FAM168A: variants seen among roughly 807,000 people sequenced by gnomAD.
FAM168A encodes the protein protein FAM168A.
A neutral mutation model predicts 28.5 loss-of-function variants in FAM168A; 3 were observed. The observed-to-expected ratio is 0.11, with a 90% CI of 0.05 to 0.27. The LOEUF is 0.27. FAM168A is among the 10% of genes least tolerant of loss of function. The probability of loss-of-function intolerance (pLI) is 1.00; values close to 1 mark genes in which losing one functional copy is unlikely to be tolerated. For synonymous variants in FAM168A, 122 were observed against 124.2 expected (o/e 0.98, Z 0.12); for missense variants, 222 against 311.5 (o/e 0.71, Z 2.16).
chr11:73,500,038 C>A (rs748105864), intron 1 of FAM168A, among the ~76,000 whole-genome samples: 12 of 151,994 alleles, frequency 7.9e-5, no homozygotes, highest in Non-Finnish European at 1.5e-4. Context: ...TTAAGATATT[C>A]CACAAGAAGA....
At chr11:73,461,930 G>A (rs1329084547) in intron 2 of FAM168A, among the ~76,000 whole-genome samples, 1 of 152,110 alleles carries the variant, frequency 6.6e-6, no homozygotes, top group East Asian at 1.9e-4. Flanking sequence ...TATCCATTAT[G>A]ATGGCTATTA....
chr11:73,427,444 T>C (rs1866908138), intron 3 of FAM168A, among the ~76,000 whole-genome samples: 1 of 152,198 alleles, frequency 6.6e-6, no homozygotes, highest in Admixed American at 6.5e-5. Flanking sequence ...CCTCCTCCTA[T>C]CTGCACTCCT....
At chr11:73,501,961 T>C (rs1468942865) in intron 1 of FAM168A, among the ~76,000 whole-genome samples, 3 of 151,320 alleles carry the variant, frequency 2.0e-5, no homozygotes, top group Non-Finnish European at 4.4e-5. Flanking sequence ...ATTAGCCAGG[T>C]GTGGTGGCGG....
chr11:73,547,842 T>C (rs1943777869), intron 1 of FAM168A, among the ~76,000 whole-genome samples: 2 of 145,840 alleles, frequency 1.4e-5, no homozygotes, highest in Non-Finnish European at 3.0e-5. Flanking sequence ...CATCATTGAA[T>C]GAATGGGGAA....
intron 1 of FAM168A, among the ~76,000 whole-genome samples, chr11:73,476,651 A>C (rs889636576): frequency 6.6e-6 from 1 of 152,200 alleles, no homozygotes; most frequent in Non-Finnish European, 1.5e-5. Context: ...TCAGCAGATA[A>C]ATATTTCAAA....
rs112828517 is a variant in FAM168A at position 73,562,638 on chromosome 11, C to T, written c.-19+35285G>A. 7.1e-3 allele frequency among the ~76,000 whole-genome samples: 1,081 copies of T among 152,194 alleles called. 14 individuals are homozygous for T. The highest frequency in any genetic ancestry group is 0.023 in the African/African-American group (946 of 41,536). On this transcript the variant is annotated intron_variant, in intron 1 of 7. Transcript: ENST00000356467. ...GGTGAGGAGATCAAGATCAACCTGG[C>T]CAACACGGTGAAACCCTGTCTCTAC... is the stretch of plus-strand genomic sequence containing the variant.
At chr11:73,580,162 T>A in intron 1 of FAM168A, 1 of 363,836 alleles carries the variant, frequency 2.7e-6, no homozygotes, top group Non-Finnish European at 5.4e-6. Flanking sequence ...GAAGAAGAGG[T>A]GAGAACGACC....
At chr11:73,597,613 C>G (rs1264567239) in intron 1 of FAM168A, among the ~76,000 whole-genome samples, 1 of 151,926 alleles carries the variant, frequency 6.6e-6, no homozygotes, top group Non-Finnish European at 1.5e-5. Flanking sequence ...TCATCTTCCA[C>G]CTCGCCCCAA....
intron 1 of FAM168A, among the ~76,000 whole-genome samples, chr11:73,551,425 C>T (rs1218516435): frequency 3.3e-5 from 5 of 152,162 alleles, no homozygotes; most frequent in Non-Finnish European, 7.4e-5. Flanking sequence ...GGGTCTCTCT[C>T]CATTCGTCTA....
intron 1 of FAM168A, among the ~76,000 whole-genome samples, chr11:73,508,166 T>C (rs1855151940): frequency 6.6e-6 from 1 of 152,168 alleles, no homozygotes; most frequent in South Asian, 2.1e-4. Context: ...GTCTAGCACA[T>C]AGTAAGTACT....
At position 73,426,409 on chromosome 11, in the gene FAM168A, A is replaced by G. The variant is rs191144209; in HGVS notation, c.151+4281T>C. On this transcript the variant is annotated intron_variant, in intron 3 of 7. Coordinates refer to ENST00000356467, the MANE Select transcript of FAM168A (RefSeq NM_015159.3). ...GGACAGATGACATCTCAGGGTATTC[A>G]GAGCTGCTAAAAATAGCTCTCTCTC... 1.6e-3 allele frequency among the ~76,000 whole-genome samples: 242 copies of G among 152,356 alleles called. 1 individual carries two copies. Among genetic ancestry groups the G allele is most frequent in the African/African-American group, 5.4e-3 (223 of 41,592 alleles).
At chr11:73,471,427 A>C (rs1867812359) in intron 1 of FAM168A, among the ~76,000 whole-genome samples, 1 of 152,212 alleles carries the variant, frequency 6.6e-6, no homozygotes, top group Non-Finnish European at 1.5e-5. Context: ...TACCTCTTTT[A>C]GGTATATAGT....
rs1035614732 is a variant in FAM168A at position 73,440,677 on chromosome 11, G to A, written c.71-9907C>T. Reference sequence around the variant, plus strand: ...GAAAAAGAAATAGGAGAATATCAGAGTCCCAGAGAATATCAGTATGACCTT... The same window carrying A: ...GAAAAAGAAATAGGAGAATATCAGAATCCCAGAGAATATCAGTATGACCTT... On this transcript the variant is annotated intron_variant, in intron 2 of 7. Coordinates refer to ENST00000356467, the MANE Select transcript of FAM168A (RefSeq NM_015159.3). Among the ~76,000 whole-genome samples, 12 of 152,242 alleles carry A rather than the reference G, an allele frequency of 7.9e-5. No individual in the cohort carries two copies. In the South Asian group the frequency reaches 2.3e-3, roughly 29 times the overall value.
intron 1 of FAM168A, among the ~76,000 whole-genome samples, chr11:73,482,092 A>C (rs1867974935): frequency 6.6e-6 from 1 of 151,960 alleles, no homozygotes; most frequent in Non-Finnish European, 1.5e-5. Flanking sequence ...CTAGAATTGT[A>C]AGAAATAAAT....
At chr11:73,513,205 A>ATTTTTTTTTTTTTTTTTTT (rs1046600591) in intron 1 of FAM168A, among the ~76,000 whole-genome samples, 3 of 109,376 alleles carry the variant, frequency 2.7e-5, no homozygotes, top group African/African-American at 3.9e-5. Context: ...TTTTTTTTTA[A>ATTTTTTTTTTTTTTTTTTT]TTTTTTTTTT....
In FAM168A at chr11:73,403,060, T is replaced by C. The variant is rs1866441250; in HGVS notation, c.*3703A>G. 1 of 152,164 alleles carries C rather than the reference T, an allele frequency of 6.6e-6. No homozygotes were observed. Among genetic ancestry groups the C allele is most frequent in the Non-Finnish European group, 1.5e-5 (1 of 68,032 alleles). The allele number at this position is 152,164 out of a possible 1,614,324, so 9.4% of individuals were successfully genotyped here. A position where few individuals can be genotyped will look rare whatever the true frequency, so the allele number is the denominator to read the frequency against. On this transcript the variant is annotated 3_prime_UTR_variant, in exon 8 of 8. Coordinates refer to ENST00000356467, the MANE Select transcript of FAM168A (RefSeq NM_015159.3). ...CTCAAGCCTCCTGAGCCTTAGTTTT[T>C]TCATCTATAAAATGGAGGACTTTGG...
intron 1 of FAM168A, among the ~76,000 whole-genome samples, chr11:73,482,781 C>T (rs552656023): frequency 2.0e-5 from 3 of 152,192 alleles, no homozygotes; most frequent in South Asian, 2.1e-4. Flanking sequence ...CTCTGTCACC[C>T]GGGCTGGAAT....
intron 2 of FAM168A, among the ~76,000 whole-genome samples, chr11:73,442,865 G>A (rs1867223416): frequency 7.3e-6 from 1 of 136,316 alleles, no homozygotes; most frequent in Non-Finnish European, 1.6e-5. Context: ...GACAGAGTGA[G>A]TAAAGATGCT....
At chr11:73,557,500 G>A (rs1943904673) in intron 1 of FAM168A, among the ~76,000 whole-genome samples, 1 of 152,078 alleles carries the variant, frequency 6.6e-6, no homozygotes, top group African/African-American at 2.4e-5. Flanking sequence ...AAAGTGCTGG[G>A]ATTATAGGCA....
Sources: allele counts gnomAD v4.1 joint callset (sites outside exome capture counted in the v4.1 genomes callset), GRCh38; gene constraint gnomAD v4.1.1; transcripts MANE v1.5; gene names NCBI Gene and HGNC (gene_info 2026-07-23, HGNC 2026-07-21).